The following DTD1 variants were observed in gnomAD, a reference collection of about 807,000 sequenced individuals.
The protein encoded by DTD1 is D-tyrosyl-tRNA deacylase 1 homolog.
In DTD1, 13 loss-of-function variants were observed where a neutral mutation model predicts 25.6. The ratio of observed to expected loss-of-function variants is 0.51; its 90% confidence interval spans 0.33 to 0.81. DTD1 has a LOEUF of 0.81. Among genes scored for constraint, DTD1 ranks in the 30% least tolerant of loss-of-function variants. The pLI is 0.02. For missense variants in DTD1, 193 were observed against 266.4 expected, an observed-to-expected ratio of 0.72 and a Z score of 1.92; for synonymous variants, 110 against 103.6, an observed-to-expected ratio of 1.06 and a Z score of -0.37.
intron 5 of DTD1, among the ~76,000 whole-genome samples, chr20:18,750,357 A>G (rs907522973): frequency 6.6e-6 from 1 of 152,234 alleles, no homozygotes; most frequent in Non-Finnish European, 1.5e-5. Context: ...TTTGTTCCCC[A>G]GAACAACAGC....
At chr20:18,746,534 T>TA (rs200602148) in intron 5 of DTD1, among the ~76,000 whole-genome samples, 5,963 of 144,202 alleles carry the variant, frequency 0.041, 243 homozygotes, top group African/African-American at 0.1. Context: ...CCCCGTCTCT[T>TA]AAAAAAAAAA....
intron 5 of DTD1, among the ~76,000 whole-genome samples, chr20:18,758,212 CA>C (rs1278999486): frequency 6.6e-6 from 1 of 151,916 alleles, no homozygotes; most frequent in Non-Finnish European, 1.5e-5. Context: ...TTGATCTTTT[CA>C]AAAAACCAGC....
intron 3 of DTD1, among the ~76,000 whole-genome samples, chr20:18,621,038 C>T (rs2060731884): frequency 6.6e-6 from 1 of 152,218 alleles, no homozygotes; most frequent in African/African-American, 2.4e-5. Flanking sequence ...ATTGACTAAA[C>T]TACAGACCTT....
intron 5 of DTD1, among the ~76,000 whole-genome samples, chr20:18,757,530 C>T (rs1055547334): frequency 3.3e-5 from 5 of 152,172 alleles, no homozygotes; most frequent in Non-Finnish European, 5.9e-5. Context: ...TTGAGATAAT[C>T]ATGTGGTTTT....
chr20:18,608,270 T>C (rs1312927640), intron 3 of DTD1, among the ~76,000 whole-genome samples: 1 of 152,028 alleles, frequency 6.6e-6, no homozygotes, highest in Non-Finnish European at 1.5e-5. Flanking sequence ...TTTTTCTTAG[T>C]TATCCTTTCT....
At chr20:18,603,637 A>G (rs1344923883) in intron 3 of DTD1, among the ~76,000 whole-genome samples, 1 of 111,082 alleles carries the variant, frequency 9.0e-6, no homozygotes, top group East Asian at 2.2e-4. Context: ...AAGCCGCTCA[A>G]CTACATGGAA....
intron 5 of DTD1, among the ~76,000 whole-genome samples, chr20:18,748,769 T>C (rs140528598): frequency 6.6e-6 from 1 of 152,320 alleles, no homozygotes; most frequent in East Asian, 1.9e-4. Flanking sequence ...CTCACGTTAA[T>C]GACATTTTAA....
intron 4 of DTD1, among the ~76,000 whole-genome samples, chr20:18,652,843 G>A (rs943204745): frequency 6.6e-6 from 1 of 152,162 alleles, no homozygotes. Flanking sequence ...TATGGGGTGG[G>A]ACTAAAAATA....
At chr20:18,688,578 G>C (rs191501251) in intron 4 of DTD1, among the ~76,000 whole-genome samples, 71 of 152,176 alleles carry the variant, frequency 4.7e-4, no homozygotes, top group Middle Eastern at 3.4e-3. Context: ...AATGTCAGCG[G>C]ACTACAGCGT....
At chr20:18,650,259 G>A (rs142364396) in intron 4 of DTD1, among the ~76,000 whole-genome samples, 45 of 152,234 alleles carry the variant, frequency 3.0e-4, no homozygotes, top group African/African-American at 5.8e-4. Context: ...AACAAAACAG[G>A]TAAAATTGTT....
chr20:18,733,309 G>A (rs544548881), intron 4 of DTD1, among the ~76,000 whole-genome samples: 8 of 152,202 alleles, frequency 5.3e-5, no homozygotes, highest in Non-Finnish European at 1.0e-4. Context: ...GCCCGCCTGT[G>A]GCCACAGGGT....
chr20:18,739,656 C>G (rs755563777), intron 4 of DTD1, among the ~76,000 whole-genome samples: 1 of 152,166 alleles, frequency 6.6e-6, no homozygotes, highest in African/African-American at 2.4e-5. Context: ...TGACATGCAT[C>G]TCCTCTTAAT....
At chr20:18,724,077 A>AGGCAGCC (rs2061215010) in intron 4 of DTD1, among the ~76,000 whole-genome samples, 3 of 152,188 alleles carry the variant, frequency 2.0e-5, no homozygotes, top group Non-Finnish European at 1.5e-5. Flanking sequence ...CCCTTTTAAG[A>AGGCAGCC]CTTTCCTGGA....
At chr20:18,651,251 A>T (rs1488673031) in intron 4 of DTD1, among the ~76,000 whole-genome samples, 1 of 152,188 alleles carries the variant, frequency 6.6e-6, no homozygotes, top group Non-Finnish European at 1.5e-5. Context: ...TCCCGGGTTC[A>T]AGTGATTCTC....
intron 3 of DTD1, among the ~76,000 whole-genome samples, chr20:18,626,379 G>A (rs1228447535): frequency 6.6e-6 from 1 of 152,204 alleles, no homozygotes; most frequent in African/African-American, 2.4e-5. Flanking sequence ...TTAGGGCCTT[G>A]AAAAGTTCTG....
At chr20:18,744,053 A>G (rs1283991023) in intron 4 of DTD1, 47 bp from the exon 5 acceptor site, 27 of 1,533,324 alleles carry the variant, frequency 1.8e-5, no homozygotes, top group African/African-American at 2.8e-5. Flanking sequence ...ATACACAGGC[A>G]TGTGTTTGTG....
At chr20:18,753,818 G>GT (rs2061329744) in intron 5 of DTD1, among the ~76,000 whole-genome samples, 1 of 151,918 alleles carries the variant, frequency 6.6e-6, no homozygotes, top group Non-Finnish European at 1.5e-5. Context: ...TTCTTTTCAT[G>GT]TTCTATCTGT....
chr20:18,666,751 A>AT (rs550905824), intron 4 of DTD1, among the ~76,000 whole-genome samples: 1 of 152,050 alleles, frequency 6.6e-6, no homozygotes, highest in Non-Finnish European at 1.5e-5. Context: ...TCTCTACTTA[A>AT]TTTTTTTTAA....
intron 1 of DTD1, among the ~76,000 whole-genome samples, chr20:18,588,491 G>A (rs2060575297): frequency 6.6e-6 from 1 of 152,244 alleles, no homozygotes; most frequent in South Asian, 2.1e-4. Context: ...AGCATTTCCG[G>A]AGCAGGCACT....
Sources: allele counts gnomAD v4.1 joint callset (sites outside exome capture counted in the v4.1 genomes callset), GRCh38; gene constraint gnomAD v4.1.1; transcripts MANE v1.5; gene names NCBI Gene and HGNC (gene_info 2026-07-23, HGNC 2026-07-21).